The following FUT9 variants were observed in gnomAD, a reference collection of about 807,000 sequenced individuals.
FUT9 encodes the protein fucosyltransferase 9, also known as 4-galactosyl-N-acetylglucosaminide 3-alpha-L-fucosyltransferase 9.
A neutral mutation model predicts 29.7 loss-of-function variants in FUT9; 15 were observed. The ratio of observed to expected loss-of-function variants is 0.51; its 90% CI spans 0.34 to 0.78. FUT9 has a LOEUF of 0.78. FUT9 is among the 30% of genes least tolerant of loss of function. FUT9 has a pLI of 0.01. For missense variants in FUT9, 319 were observed against 425.4 expected (o/e 0.75, Z 2.20); for synonymous variants, 169 against 153.7 (o/e 1.10, Z -0.74).
intron 1 of FUT9, among the ~76,000 whole-genome samples, chr6:96,090,169 A>G (rs1469272870): frequency 6.6e-6 from 1 of 152,162 alleles, no homozygotes; most frequent in African/African-American, 2.4e-5. Flanking sequence ...TGAAAGATAC[A>G]TACAATTTTT....
At chr6:96,168,694 T>G (rs1157459854) in intron 2 of FUT9, among the ~76,000 whole-genome samples, 1 of 152,098 alleles carries the variant, frequency 6.6e-6, no homozygotes, top group Non-Finnish European at 1.5e-5. Flanking sequence ...TCAGAGAGTT[T>G]TGCTGCAAAG....
intron 1 of FUT9, among the ~76,000 whole-genome samples, chr6:96,064,234 C>T (rs1455737635): frequency 2.0e-5 from 3 of 152,124 alleles, no homozygotes; most frequent in Non-Finnish European, 4.4e-5. Flanking sequence ...CCATGGTATT[C>T]AACCAATAGT....
In FUT9 at chr6:96,078,910, T is replaced by C. The variant is rs998563617; in HGVS notation, c.-97-35129T>C. 1.3e-5 allele frequency among the ~76,000 whole-genome samples: 2 copies of C among 152,184 alleles called. 1 individual carries two copies. On this transcript the variant is annotated intron_variant, in intron 1 of 2. Transcript: ENST00000302103. ...ACATCAATATTTAGGCTTTTGCTTC[T>C]CCTTGCCCCTGCCGCCAACCATTCT...
chr6:96,029,686 G>T (rs1325174641), intron 1 of FUT9, among the ~76,000 whole-genome samples: 1 of 151,536 alleles, frequency 6.6e-6, no homozygotes, highest in Non-Finnish European at 1.5e-5. Context: ...TTTAAAGAAA[G>T]AAAAACGATT....
intron 1 of FUT9, among the ~76,000 whole-genome samples, chr6:96,044,175 A>G (rs913885594): frequency 3.3e-5 from 5 of 152,352 alleles, no homozygotes; most frequent in Admixed American, 2.6e-4. Context: ...ATGTGTACAA[A>G]TGAAAGCCTT....
chr6:96,029,872 T>C (rs552304575), intron 1 of FUT9, among the ~76,000 whole-genome samples: 1 of 151,418 alleles, frequency 6.6e-6, no homozygotes, highest in South Asian at 2.1e-4. Context: ...AAGAGCAAAA[T>C]GAAGGTGAGA....
chr6:96,174,055 G>T (rs9390976), intron 2 of FUT9, among the ~76,000 whole-genome samples: 1 of 152,040 alleles, frequency 6.6e-6, no homozygotes, highest in Non-Finnish European at 1.5e-5. Context: ...ATTTGCTCCA[G>T]TGGTTGAGAC....
intron 1 of FUT9, among the ~76,000 whole-genome samples, chr6:96,055,025 G>C (rs9498879): frequency 0.55 from 82,890 of 151,848 alleles, 22,735 homozygotes; most frequent in South Asian, 0.63. Flanking sequence ...ATTTAGTAAT[G>C]AAATACATTG....
At chr6:96,140,072 G>A (rs1421312284) in intron 2 of FUT9, among the ~76,000 whole-genome samples, 3 of 152,070 alleles carry the variant, frequency 2.0e-5, no homozygotes, top group Non-Finnish European at 1.5e-5. Flanking sequence ...TTGCCACCTA[G>A]AAATTTCTTC....
rs903291534 is a variant in FUT9 at position 96,107,561 on chromosome 6, C to T, written c.-97-6478C>T. ...AAGAACAAAGCAGCTTTCCCTTCCC[C>T]GAAATACATGTTGAAAATATTTCTA... On this transcript the variant is annotated intron_variant, in intron 1 of 2. Coordinates refer to ENST00000302103, the MANE Select transcript of FUT9 (RefSeq NM_006581.4). Among the ~76,000 whole-genome samples the T allele has an allele frequency of 6.6e-5, 10 of 152,084 alleles. No individual in the cohort carries two copies. The East Asian group carries it at 1.9e-3, about 29-fold the overall frequency.
intron 1 of FUT9, among the ~76,000 whole-genome samples, chr6:96,072,695 G>A (rs986231604): frequency 6.6e-6 from 1 of 152,226 alleles, no homozygotes; most frequent in Non-Finnish European, 1.5e-5. Context: ...TCTGAATAAT[G>A]AAGTTCACTG....
intron 1 of FUT9, among the ~76,000 whole-genome samples, chr6:96,095,219 A>G (rs1185037735): frequency 6.6e-6 from 1 of 152,120 alleles, no homozygotes; most frequent in Non-Finnish European, 1.5e-5. Context: ...TCACCTTTAA[A>G]GAGCATCTCC....
At chr6:96,170,618 G>T (rs1773096656) in intron 2 of FUT9, among the ~76,000 whole-genome samples, 1 of 151,744 alleles carries the variant, frequency 6.6e-6, no homozygotes, top group Non-Finnish European at 1.5e-5. Flanking sequence ...CTGTCACTTA[G>T]AATCATTGCC....
At chr6:96,196,573 G>A (rs761066119) in intron 2 of FUT9, among the ~76,000 whole-genome samples, 32 of 152,056 alleles carry the variant, frequency 2.1e-4, no homozygotes, top group African/African-American at 5.3e-4. Context: ...TTAGCTGGTC[G>A]TGGTGGTGTG....
chr6:96,043,220 T>A (rs6915529), intron 1 of FUT9, among the ~76,000 whole-genome samples: 24,188 of 151,932 alleles, frequency 0.16, 2,093 homozygotes, highest in Non-Finnish European at 0.19. Flanking sequence ...CCCGGCTAAT[T>A]TTTTGTATTT....
intron 1 of FUT9, among the ~76,000 whole-genome samples, chr6:96,033,001 G>A (rs574019667): frequency 3.3e-5 from 5 of 151,552 alleles, no homozygotes; most frequent in South Asian, 2.1e-4. Context: ...TTTGATTCCC[G>A]GAAAGAAGTT....
chr6:96,095,190 A>T (rs554169983), intron 1 of FUT9, among the ~76,000 whole-genome samples: 1 of 152,254 alleles, frequency 6.6e-6, no homozygotes, highest in South Asian at 2.1e-4. Context: ...TAATTTCATA[A>T]AATAATGTGA....
chr6:96,101,346 C>A (rs1771582125), intron 1 of FUT9, among the ~76,000 whole-genome samples: 1 of 152,122 alleles, frequency 6.6e-6, no homozygotes, highest in South Asian at 2.1e-4. Flanking sequence ...CAAGACCAGC[C>A]TGGCCAACAT....
chr6:96,098,719 A>T (rs1771540889), intron 1 of FUT9, among the ~76,000 whole-genome samples: 1 of 152,162 alleles, frequency 6.6e-6, no homozygotes, highest in Non-Finnish European at 1.5e-5. Flanking sequence ...GCCATTAATC[A>T]ATACTGTTTG....
Sources: gnomAD v4.1 joint callset for allele counts (sites outside exome capture counted in the v4.1 genomes callset) on GRCh38, gnomAD v4.1.1 for gene constraint, MANE v1.5 for transcripts, NCBI Gene and HGNC (gene_info 2026-07-23, HGNC 2026-07-21) for gene names.